Variants in WDR41 observed in about 807,000 individuals in gnomAD.
The protein encoded by WDR41 is WD repeat domain 41, also known as WD repeat-containing protein 41.
In WDR41, 63 loss-of-function variants were observed where a neutral mutation model predicts 69.3. The observed-to-expected ratio is 0.91, with a 90% CI of 0.74 to 1.12. The LOEUF (loss-of-function observed/expected upper bound fraction) is 1.12. Among genes scored for constraint, WDR41 ranks in the 50% most tolerant of loss-of-function variants. The pLI is 0.00. For missense variants in WDR41, 543 were observed against 534.5 expected (o/e 1.02, Z -0.16); for synonymous variants, 185 against 192.1 (o/e 0.96, Z 0.31).
chr5:77,492,463 G>A (rs892637334), upstream of WDR41: 6 of 441,764 alleles, frequency 1.4e-5, no homozygotes, highest in South Asian at 5.5e-5. Context: ...GGCGGCCGAC[G>A]GCGGGGGCGG....
intron 1 of WDR41, among the ~76,000 whole-genome samples, chr5:77,583,428 C>G (rs1240410488): frequency 6.6e-6 from 1 of 151,538 alleles, no homozygotes; most frequent in Non-Finnish European, 1.5e-5. Context: ...GTGAGGATCA[C>G]TTGAGCCAGG....
intron 1 of WDR41, among the ~76,000 whole-genome samples, chr5:77,596,711 T>C (rs2112316826): frequency 6.6e-6 from 1 of 152,264 alleles, no homozygotes; most frequent in Middle Eastern, 3.4e-3. Flanking sequence ...TTTTGTGCCA[T>C]ATGTATTGAT....
chr5:77,458,885 T>C (rs1799932379), intron 5 of WDR41, 177 bp downstream of exon 5: 1 of 468,782 alleles, frequency 2.1e-6, no homozygotes, highest in African/African-American at 2.0e-5. Context: ...TGAAACATTC[T>C]AACACTTAAT....
chr5:77,515,798 A>G (rs1581781872), intron 1 of WDR41, among the ~76,000 whole-genome samples: 1 of 152,198 alleles, frequency 6.6e-6, no homozygotes, highest in African/African-American at 2.4e-5. Context: ...ATTTATTGAG[A>G]TGCCATTGTA....
chr5:77,550,777 T>C (rs1014207097), intron 1 of WDR41, among the ~76,000 whole-genome samples: 2 of 152,140 alleles, frequency 1.3e-5, no homozygotes, highest in African/African-American at 4.8e-5. Context: ...AAAAGACACA[T>C]GTACTCATAT....
intron 1 of WDR41, among the ~76,000 whole-genome samples, chr5:77,617,755 T>A (rs963010013): frequency 6.6e-6 from 1 of 152,134 alleles, no homozygotes; most frequent in Non-Finnish European, 1.5e-5. Context: ...AGGTTATAAA[T>A]GGATTTTGAA....
intron 4 of WDR41, 49 bp from the exon 5 acceptor site, chr5:77,459,173 A>G: frequency 7.4e-7 from 1 of 1,354,222 alleles, no homozygotes; most frequent in Non-Finnish European, 1.0e-6. Context: ...TAAAATCTTA[A>G]TTATAACTTT....
At chr5:77,482,470 T>C (rs1450841939) in intron 2 of WDR41, among the ~76,000 whole-genome samples, 1 of 152,178 alleles carries the variant, frequency 6.6e-6, no homozygotes, top group African/African-American at 2.4e-5. Context: ...TTGCAATTTA[T>C]TTGTTGAAAA....
At chr5:77,492,529 C>T, upstream of WDR41, 1 of 354,918 alleles carries the variant, frequency 2.8e-6, no homozygotes, top group Non-Finnish European at 5.0e-6. Flanking sequence ...GGAGCGCCGC[C>T]GGGTAGCGCA....
chr5:77,593,156 T>C (rs998478124), intron 1 of WDR41, among the ~76,000 whole-genome samples: 2 of 151,994 alleles, frequency 1.3e-5, no homozygotes, highest in Non-Finnish European at 2.9e-5. Flanking sequence ...GCAGAGAGTA[T>C]TAGAAATAAG....
chr5:77,514,710 T>C (rs1434304359), intron 1 of WDR41, among the ~76,000 whole-genome samples: 2 of 152,190 alleles, frequency 1.3e-5, no homozygotes, highest in East Asian at 3.8e-4. Flanking sequence ...TTACACAACC[T>C]AGATGGTATA....
chr5:77,545,688 T>C, intron 1 of WDR41: 1 of 466,088 alleles, frequency 2.1e-6, no homozygotes, highest in Non-Finnish European at 3.8e-6. Context: ...AGGATGAGGT[T>C]TTAAAGGTTA....
rs147415062 is a variant in WDR41 at position 77,448,039 on chromosome 5, T to C, written c.697+1721A>G. On this transcript the variant is annotated intron_variant, in intron 8 of 12. Coordinates refer to ENST00000296679, the MANE Select transcript of WDR41 (RefSeq NM_018268.4). ...GCTTTCAGAAACTGCTGTAAGTTCC[T>C]CTGCATATCACATGGTAAAAGACAT... 3.9e-5 allele frequency among the ~76,000 whole-genome samples: 6 copies of C among 152,368 alleles called. No individual in the cohort carries two copies. The East Asian group carries it at 1.2e-3, about 29-fold the overall frequency.
chr5:77,533,654 T>C (rs1055661740), intron 1 of WDR41, among the ~76,000 whole-genome samples: 3 of 152,158 alleles, frequency 2.0e-5, no homozygotes, highest in African/African-American at 7.2e-5. Flanking sequence ...ATGATGGTTG[T>C]GTGCTGTGAA....
chr5:77,613,229 T>C (rs1744600538), intron 1 of WDR41, among the ~76,000 whole-genome samples: 1 of 152,096 alleles, frequency 6.6e-6, no homozygotes, highest in Non-Finnish European at 1.5e-5. Context: ...CCAAGGTAAT[T>C]TATAGATTCA....
chr5:77,537,003 G>A (rs1302870712), intron 1 of WDR41, among the ~76,000 whole-genome samples: 3 of 152,178 alleles, frequency 2.0e-5, no homozygotes, highest in East Asian at 3.8e-4. Flanking sequence ...AGAAAAATGG[G>A]AATAGGTTTG....
rs142252411 is a variant in WDR41, at chr5:77,585,335, A to G, written c.42+35144T>C. On this transcript the variant is annotated intron_variant, in intron 1 of 5. Coordinates refer to the WDR41 transcript ENST00000509971. The stretch of plus-strand genomic sequence containing the variant: ...AAATCAAAAAACAGTGTATGTTGGC[A>G]TGAATGTGGTGAACAGGGAACACTT... Among the ~76,000 whole-genome samples, 496 of 152,298 alleles carry G rather than the reference A, an allele frequency of 3.3e-3. 3 individuals carry two copies. Among genetic ancestry groups the G allele is most frequent in the African/African-American group, 0.011 (478 of 41,576 alleles).
intron 1 of WDR41, among the ~76,000 whole-genome samples, chr5:77,503,408 C>T (rs1317772328): frequency 6.6e-6 from 1 of 152,118 alleles, no homozygotes; most frequent in Non-Finnish European, 1.5e-5. Flanking sequence ...GAGACTTAGA[C>T]TCCCACACAA....
At chr5:77,435,824 TAACA>T (rs1798917774) in intron 12 of WDR41, among the ~76,000 whole-genome samples, 1 of 152,220 alleles carries the variant, frequency 6.6e-6, no homozygotes, top group Non-Finnish European at 1.5e-5. Flanking sequence ...TCATTAAAGC[TAACA>T]AACTATTATC....
Sources: allele counts gnomAD v4.1 joint callset (sites outside exome capture counted in the v4.1 genomes callset), GRCh38; gene constraint gnomAD v4.1.1; transcripts MANE v1.5; gene names NCBI Gene and HGNC (gene_info 2026-07-23, HGNC 2026-07-21).